CEP83: variants seen among roughly 807,000 people sequenced by gnomAD.
CEP83 encodes centrosomal protein of 83 kDa.
A neutral mutation model predicts 101.9 loss-of-function variants in CEP83; 70 were observed. The observed-to-expected ratio is 0.69, with a 90% confidence interval of 0.57 to 0.84. CEP83 has a LOEUF of 0.84. Ranked by LOEUF, CEP83 falls within the 40% of genes least tolerant of loss-of-function variation. The pLI is 0.00. For missense variants in CEP83, 715 were observed against 787.2 expected (o/e 0.91, Z 1.10); for synonymous variants, 264 against 267.9 (o/e 0.99, Z 0.14).
the CEP83 span, among the ~76,000 whole-genome samples, chr12:94,266,476 A>G: frequency 6.6e-6 from 1 of 152,222 alleles, no homozygotes; most frequent in Non-Finnish European, 1.5e-5. Flanking sequence ...AGCTCACTAA[A>G]CACCAGTCGC....
chr12:94,335,745 G>T, intron 11 of CEP83, 81 bp from the exon 12 acceptor site: 1 of 898,724 alleles, frequency 1.1e-6, no homozygotes, highest in South Asian at 1.6e-5. Flanking sequence ...TCATTTTATT[G>T]AATGCCTGTT....
chr12:94,282,549 T>A, the CEP83 span: 2 of 614,554 alleles, frequency 3.3e-6, no homozygotes, highest in South Asian at 4.0e-5. Context: ...CTTTCGTTGC[T>A]TGTGCAGACA....
chr12:94,395,396 TGA>T (rs2062824278), intron 6 of CEP83, among the ~76,000 whole-genome samples: 1 of 148,588 alleles, frequency 6.7e-6, no homozygotes, highest in African/African-American at 2.4e-5. Flanking sequence ...ACTATTATGA[TGA>T]GTTTCCTCTT....
At chr12:94,270,316 A>C in the CEP83 span, among the ~76,000 whole-genome samples, 1 of 152,198 alleles carries the variant, frequency 6.6e-6, no homozygotes, top group African/African-American at 2.4e-5. Context: ...TATTGTCTAT[A>C]GCTGCTTTCC....
chr12:94,390,341 A>G (rs2062442619), intron 6 of CEP83, among the ~76,000 whole-genome samples: 1 of 152,186 alleles, frequency 6.6e-6, no homozygotes, highest in Non-Finnish European at 1.5e-5. Flanking sequence ...CAGGGTCTGG[A>G]GTGGAACTCC....
chr12:94,341,752 T>A (rs897255955), intron 11 of CEP83, among the ~76,000 whole-genome samples: 1 of 152,222 alleles, frequency 6.6e-6, no homozygotes, highest in Non-Finnish European at 1.5e-5. Flanking sequence ...AAAGCTGTTT[T>A]ATATAGCAAA....
intron 14 of CEP83, among the ~76,000 whole-genome samples, chr12:94,327,087 A>G (rs1232900699): frequency 6.6e-6 from 1 of 152,222 alleles, no homozygotes; most frequent in Non-Finnish European, 1.5e-5. Context: ...AGAAATGCAA[A>G]GTCCAGAGGT....
intron 8 of CEP83, among the ~76,000 whole-genome samples, chr12:94,374,919 A>G (rs982362669): frequency 6.6e-6 from 1 of 152,034 alleles, no homozygotes; most frequent in Non-Finnish European, 1.5e-5. Context: ...TGAACTGCCC[A>G]AGGTCACACA....
At chr12:94,365,150 T>A (rs138192764) in intron 11 of CEP83, among the ~76,000 whole-genome samples, 3,998 of 151,970 alleles carry the variant, frequency 0.026, 63 homozygotes, top group Middle Eastern at 0.068. Flanking sequence ...TTAAAAAAAA[T>A]TTTTAAGCAA....
rs560740276 is a variant in CEP83, at chr12:94,355,445, C to T, written c.1343+12349G>A. Among the ~76,000 whole-genome samples the T allele has an allele frequency of 5.3e-5, 8 of 152,052 alleles. No individual in the cohort carries two copies. The East Asian group carries it at 5.8e-4, about 11-fold the overall frequency. On this transcript the variant is annotated intron_variant, in intron 11 of 16. Coordinates refer to ENST00000397809, the MANE Select transcript of CEP83 (RefSeq NM_016122.3). Reference sequence around the variant, plus strand: ...GAGGCAGAGCTTGCAGTGAGCAGATCGCACCACTGCACTCCAGCCTGGGCA... The same window carrying T: ...GAGGCAGAGCTTGCAGTGAGCAGATTGCACCACTGCACTCCAGCCTGGGCA...
At chr12:94,419,153 T>C (rs535846347) in intron 2 of CEP83, among the ~76,000 whole-genome samples, 2 of 152,240 alleles carry the variant, frequency 1.3e-5, no homozygotes, top group African/African-American at 4.8e-5. Flanking sequence ...GTTAGCAAGA[T>C]TGGCAGATAG....
At position 94,328,170 on chromosome 12, in the gene CEP83, G is replaced by A. The variant is rs184863206; in HGVS notation, c.1707+3530C>T. The A allele has an allele frequency of 2.6e-3, 479 of 187,300 alleles. 2 individuals are homozygous for A. The highest frequency in any genetic ancestry group is 0.016 in the Admixed American group (257 of 16,248). The allele number at this position is 187,300 out of a possible 1,614,324, so 11.6% of individuals were successfully genotyped here. ...ATAAAATTAACAAGTTGTCATTTCA[G>A]GTTCCTCAAGAAAAAAGAAAAAAAC... On this transcript the variant is annotated intron_variant, in intron 14 of 16. Coordinates refer to ENST00000397809, the MANE Select transcript of CEP83 (RefSeq NM_016122.3).
At chr12:94,332,460 G>GT (rs2059265066) in intron 13 of CEP83, among the ~76,000 whole-genome samples, 1 of 152,090 alleles carries the variant, frequency 6.6e-6, no homozygotes, top group Non-Finnish European at 1.5e-5. Context: ...AAGATTTTAA[G>GT]TATCTTAGCT....
chr12:94,311,685 G>A (rs1003191097), intron 15 of CEP83, among the ~76,000 whole-genome samples: 14 of 152,140 alleles, frequency 9.2e-5, no homozygotes, highest in East Asian at 1.9e-4. Context: ...TATTATAAAA[G>A]GTAATCACAA....
chr12:94,298,894 T>G, the CEP83 span: 3 of 1,151,432 alleles, frequency 2.6e-6, no homozygotes, highest in Non-Finnish European at 3.7e-6. Flanking sequence ...CATTTATCTC[T>G]ATATCAGAAT....
intron 11 of CEP83, among the ~76,000 whole-genome samples, chr12:94,349,417 G>A (rs1012797793): frequency 2.0e-5 from 3 of 151,954 alleles, no homozygotes; most frequent in Admixed American, 6.6e-5. Context: ...TAATAAAGAT[G>A]TGTTTGAGCC....
chr12:94,424,322 T>A, intron 2 of CEP83: 3 of 1,614,138 alleles, frequency 1.9e-6, no homozygotes, highest in African/African-American at 1.3e-5. Flanking sequence ...ATCAGCAAAT[T>A]TGCAAAGCAA....
At chr12:94,434,296 G>A (rs188291792) in intron 2 of CEP83, among the ~76,000 whole-genome samples, 1 of 151,956 alleles carries the variant, frequency 6.6e-6, no homozygotes, top group East Asian at 1.9e-4. Context: ...TAAGAGATAT[G>A]AAACAAAAAA....
At chr12:94,288,622 G>A in the CEP83 span, among the ~76,000 whole-genome samples, 8 of 152,176 alleles carry the variant, frequency 5.3e-5, no homozygotes, top group South Asian at 1.5e-3. Flanking sequence ...ATGTTCTGAC[G>A]GCCCCTTCCA....
Sources: allele counts gnomAD v4.1 joint callset (sites outside exome capture counted in the v4.1 genomes callset), GRCh38; gene constraint gnomAD v4.1.1; transcripts MANE v1.5; gene names NCBI Gene and HGNC (gene_info 2026-07-23, HGNC 2026-07-21).